Variants in GRK5 observed in about 807,000 individuals in gnomAD.
GRK5 encodes g protein-coupled receptor kinase GRK5.
Under a neutral mutation model 78.4 loss-of-function variants are expected in GRK5, and 40 were observed. The observed-to-expected ratio is 0.51, with a 90% CI of 0.40 to 0.66. The LOEUF (loss-of-function observed/expected upper bound fraction) is 0.66, where lower values mean the gene tolerates loss of function less well. Among genes scored for constraint, GRK5 ranks in the 30% least tolerant of loss-of-function variants. The pLI is 0.00. For missense variants in GRK5, 598 were observed against 759.9 expected, an observed-to-expected ratio of 0.79 and a Z score of 2.50; for synonymous variants, 289 against 296.8, an observed-to-expected ratio of 0.97 and a Z score of 0.27.
At position 119,415,081 on chromosome 10, in the gene GRK5, CAAAAAAAAA is replaced by C. The variant is rs762165768; in HGVS notation, c.340-8071_340-8063del. 1.7e-4 allele frequency among the ~76,000 whole-genome samples: 13 copies of C among 75,742 alleles called. No individual in the cohort carries two copies. In the East Asian group the frequency reaches 3.5e-3, roughly 21 times the overall value. 49.7% of individuals were successfully genotyped at this position (75,742 alleles called of 152,430 possible). On this transcript the variant is annotated intron_variant, in intron 4 of 15. Transcript: ENST00000392870. The stretch of plus-strand genomic sequence containing the variant: ...TGGGTGACAGAGTGAGACTCTGTCT[CAAAAAAAAA>C]AAAAAAAAAAAAAGAAAAAGAAAAA...
intron 2 of GRK5, among the ~76,000 whole-genome samples, chr10:119,346,523 G>T (rs1471833294): frequency 6.6e-6 from 1 of 152,232 alleles, no homozygotes; most frequent in Non-Finnish European, 1.5e-5. Context: ...CTGCTTGGGG[G>T]ATGCTGCAGT....
At chr10:119,246,019 C>CA (rs941734040) in intron 1 of GRK5, among the ~76,000 whole-genome samples, 2,496 of 13,880 alleles carry the variant, frequency 0.18, 412 homozygotes, top group Admixed American at 0.23. Context: ...GACTCCATCT[C>CA]AAAAAAAAAA....
At chr10:119,355,347 G>A (rs1851248853) in intron 2 of GRK5, among the ~76,000 whole-genome samples, 2 of 152,126 alleles carry the variant, frequency 1.3e-5, no homozygotes, top group Admixed American at 1.3e-4. Context: ...AAATAATGCT[G>A]CAATGAACAT....
At chr10:119,278,015 T>C (rs1422185904) in intron 1 of GRK5, among the ~76,000 whole-genome samples, 1 of 152,244 alleles carries the variant, frequency 6.6e-6, no homozygotes, top group African/African-American at 2.4e-5. Context: ...GGGTTGTTTC[T>C]AGTCTCTCTA....
chr10:119,436,581 C>T, intron 8 of GRK5, 70 bp from the exon 9 acceptor site: 2 of 1,474,262 alleles, frequency 1.4e-6, no homozygotes, highest in Non-Finnish European at 1.9e-6. Flanking sequence ...CTCCCAGGAT[C>T]CTGAGGAGGG....
chr10:119,410,925 T>C (rs985882891), intron 4 of GRK5, among the ~76,000 whole-genome samples: 3 of 150,454 alleles, frequency 2.0e-5, no homozygotes, highest in Non-Finnish European at 4.4e-5. Context: ...GGCTGTGACC[T>C]GCACTCTACA....
In GRK5 at chr10:119,379,027, C is replaced by T. The variant is rs978080736; in HGVS notation, c.149-1788C>T. Among the ~76,000 whole-genome samples, 2 of 152,132 alleles carry T rather than the reference C, an allele frequency of 1.3e-5. No individual in the cohort carries two copies. The highest frequency in any genetic ancestry group is 2.9e-5 in the Non-Finnish European group (2 of 68,038). On this transcript the variant is annotated intron_variant, in intron 2 of 15. Transcript: ENST00000392870. This position sits in a 1 kb window ranked among gnomAD's most constrained non-coding sequence, Gnocchi z 4.1. ...GTGCCTGTCTCCGTAGCATGGGAGGCGTCAGCTCCCCTTTTAGATTCAGAG... is the reference window on the plus strand; with the variant it reads ...GTGCCTGTCTCCGTAGCATGGGAGGTGTCAGCTCCCCTTTTAGATTCAGAG...
chr10:119,413,900 C>T (rs970849043), intron 4 of GRK5, among the ~76,000 whole-genome samples: 3 of 152,204 alleles, frequency 2.0e-5, no homozygotes, highest in African/African-American at 2.4e-5. Flanking sequence ...ACCCCTGCCC[C>T]CGCCCAGGCC....
chr10:119,294,582 T>G (rs980627511), intron 1 of GRK5, among the ~76,000 whole-genome samples: 8 of 152,076 alleles, frequency 5.3e-5, no homozygotes, highest in Non-Finnish European at 8.8e-5. Flanking sequence ...GAGCCAGTGG[T>G]CAGGAGATTT....
rs958192954 is a variant in GRK5 at position 119,418,884 on chromosome 10, A to G, written c.340-4282A>G. Among the ~76,000 whole-genome samples the G allele has an allele frequency of 3.3e-5, 5 of 152,082 alleles. No individual in the cohort carries two copies. The South Asian group carries it at 1.0e-3, about 32-fold the overall frequency. On this transcript the variant is annotated intron_variant, in intron 4 of 15. Coordinates refer to ENST00000392870, the MANE Select transcript of GRK5 (RefSeq NM_005308.3). ...CCTGGCTGCCTTCACCTCTGCAGGT[A>G]TCTACAGGCCTTGAGGCCCTCACGC...
intron 1 of GRK5, among the ~76,000 whole-genome samples, chr10:119,254,076 A>G (rs1849243806): frequency 6.6e-6 from 1 of 152,226 alleles, no homozygotes; most frequent in African/African-American, 2.4e-5. Flanking sequence ...CAGCGGGGAA[A>G]GATGAGCCAC....
intron 1 of GRK5, among the ~76,000 whole-genome samples, chr10:119,249,206 G>GGTT (rs56847748): frequency 0.14 from 20,934 of 151,956 alleles, 1,504 homozygotes; most frequent in Middle Eastern, 0.17. Flanking sequence ...AGGAAGCGGA[G>GGTT]GTTGCAGTGA....
chr10:119,369,652 C>T (rs944824603), intron 2 of GRK5, among the ~76,000 whole-genome samples: 1 of 152,162 alleles, frequency 6.6e-6, no homozygotes, highest in Non-Finnish European at 1.5e-5. Flanking sequence ...TTCCTTTTTG[C>T]CCCGGCTCTT....
At chr10:119,434,609 G>A (rs370699170) in intron 8 of GRK5, among the ~76,000 whole-genome samples, 26 of 152,362 alleles carry the variant, frequency 1.7e-4, no homozygotes, top group African/African-American at 4.3e-4. Flanking sequence ...GGGTTCCCAC[G>A]GTCTTGGGCA....
At chr10:119,296,343 T>C (rs1005743270) in intron 1 of GRK5, among the ~76,000 whole-genome samples, 1 of 152,208 alleles carries the variant, frequency 6.6e-6, no homozygotes, top group Non-Finnish European at 1.5e-5. Flanking sequence ...ACATAGCAAA[T>C]GCCCTAACTG....
intron 15 of GRK5, among the ~76,000 whole-genome samples, chr10:119,454,433 T>G (rs1853359226): frequency 6.6e-6 from 1 of 152,182 alleles, no homozygotes; most frequent in African/African-American, 2.4e-5. Context: ...CAAACGCTTC[T>G]TGCCTCCCTC....
chr10:119,412,159 G>A lies in GRK5; in HGVS notation c.340-11007G>A, dbSNP rs1193924792. On this transcript the variant is annotated intron_variant, in intron 4 of 15. Coordinates refer to ENST00000392870, the MANE Select transcript of GRK5 (RefSeq NM_005308.3). This position sits in a 1 kb window ranked among gnomAD's most constrained non-coding sequence, Gnocchi z 4.3. ...AGCCACTGCGCCCGGCCTCAGATCC[G>A]CTTCTGATTGGAGGCTGTGCCCACC... is the stretch of plus-strand genomic sequence containing the variant. Among the ~76,000 whole-genome samples the A allele has an allele frequency of 6.6e-6, 1 of 152,006 alleles. No homozygotes were observed. Among genetic ancestry groups the A allele is most frequent in the Non-Finnish European group, 1.5e-5 (1 of 67,968 alleles).
intron 5 of GRK5, 35 bp from the exon 6 acceptor site, chr10:119,424,958 A>C: frequency 6.9e-7 from 1 of 1,444,040 alleles, no homozygotes; most frequent in Non-Finnish European, 9.8e-7. Context: ...GATCGGGATT[A>C]TAAAATGTTC....
At chr10:119,410,876 G>T (rs1369935673) in intron 4 of GRK5, among the ~76,000 whole-genome samples, 2 of 149,646 alleles carry the variant, frequency 1.3e-5, no homozygotes, top group Non-Finnish European at 3.0e-5. Context: ...TGTGTCTAAA[G>T]AGGCCACCTC....
Sources: gnomAD v4.1 joint callset for allele counts (sites outside exome capture counted in the v4.1 genomes callset) on GRCh38, gnomAD v4.1.1 for gene constraint, Gnocchi (gnomAD v3.1) non-coding constraint, MANE v1.5 for transcripts, NCBI Gene and HGNC (gene_info 2026-07-23, HGNC 2026-07-21) for gene names.